ZKSCAN7: variants seen among roughly 807,000 people sequenced by gnomAD.
ZKSCAN7 encodes zinc finger protein with KRAB and SCAN domains 7.
ZKSCAN7 carries 38 observed loss-of-function variants against 65.3 expected under a neutral mutation model. The ratio of observed to expected loss-of-function variants is 0.58; its 90% CI spans 0.45 to 0.76. The LOEUF is 0.76. Among genes scored for constraint, ZKSCAN7 ranks in the 30% least tolerant of loss-of-function variants. ZKSCAN7 has a pLI of 0.00. For synonymous variants in ZKSCAN7, 321 were observed against 321.0 expected (o/e 1.00, Z 0.00); for missense variants, 815 against 913.3 (o/e 0.89, Z 1.39).
rs1699314535 is a variant in ZKSCAN7, at chr3:44,557,076, G to A, written c.29G>A (p.Gly10Asp). Residue 10 changes from glycine (G) to aspartate (D), a missense_variant, in exon 2 of 6, where the codon GGC becomes GAC. By Grantham distance (94) the Gly-to-Asp change is moderately conservative. This residue lies in a region of ZKSCAN7 where 227 missense variants were observed against 253.3 expected (regional missense o/e 0.90). Coordinates refer to ENST00000426540, the MANE Select transcript of ZKSCAN7 (RefSeq NM_001288590.2). MTTAGRGNLGLIPRSTAFQK... is the reference protein window; with the variant it reads MTTAGRGNLDLIPRSTAFQK... ...ACCACTGCAGGCAGGGGAAATTTAGGCCTCATCCCCAGGAGCACTGCTTTC... is the reference window on the plus strand; with the variant it reads ...ACCACTGCAGGCAGGGGAAATTTAGACCTCATCCCCAGGAGCACTGCTTTC... 6.2e-7 allele frequency: 1 copy of A among 1,614,198 alleles called. No individual in the cohort carries two copies. The highest frequency in any genetic ancestry group is 8.5e-7 in the Non-Finnish European group (1 of 1,180,042).
At chr3:44,576,704 G>A (rs1699930111), downstream of ZKSCAN7, among the ~76,000 whole-genome samples, 1 of 152,138 alleles carries the variant, frequency 6.6e-6, no homozygotes, top group African/African-American at 2.4e-5. Context: ...TAGATCTGAA[G>A]CTAAAAGGTT....
At chr3:44,579,871 A>G in intron 5 of ZKSCAN7, 1 of 1,609,840 alleles carries the variant, frequency 6.2e-7, no homozygotes, top group African/African-American at 1.3e-5. Flanking sequence ...CTTTCTTGAA[A>G]TTCAGCAGGT....
downstream of ZKSCAN7, among the ~76,000 whole-genome samples, chr3:44,576,762 T>C (rs1439011686): frequency 6.6e-6 from 1 of 152,210 alleles, no homozygotes; most frequent in Non-Finnish European, 1.5e-5. Context: ...AGAAGCAGCT[T>C]CAATTTTGCT....
downstream of ZKSCAN7, among the ~76,000 whole-genome samples, chr3:44,576,096 C>T (rs1324875403): frequency 6.6e-6 from 1 of 152,078 alleles, no homozygotes; most frequent in Non-Finnish European, 1.5e-5. Context: ...AGCATCCTTG[C>T]AGTTTTTTTC....
At chr3:44,565,698 C>G (rs757092834) in intron 3 of ZKSCAN7, 43 bp downstream of exon 3, 2 of 1,519,708 alleles carry the variant, frequency 1.3e-6, no homozygotes, top group South Asian at 2.6e-5. Context: ...TGCCTCCCTT[C>G]TCTCCTCTGG....
At chr3:44,559,551 C>T (rs767422970) in intron 2 of ZKSCAN7, among the ~76,000 whole-genome samples, 1 of 152,126 alleles carries the variant, frequency 6.6e-6, no homozygotes, top group Non-Finnish European at 1.5e-5. Context: ...CTCAGCTTCC[C>T]TAGTAGCTGG....
chr3:44,580,105 C>A (rs1700033440), intron 5 of ZKSCAN7: 1 of 1,608,798 alleles, frequency 6.2e-7, no homozygotes, highest in Non-Finnish European at 8.5e-7. Flanking sequence ...TTCTCAATGT[C>A]CAAGGCCTCA....
chr3:44,556,952 C>G lies in ZKSCAN7; in HGVS notation c.-96C>G, dbSNP rs1346965659. On this transcript the variant is annotated 5_prime_UTR_variant, in exon 2 of 6. Transcript: ENST00000426540. The stretch of plus-strand genomic sequence containing the variant: ...TAGGCCACACTACCATCACCCCTTT[C>G]TCCAACCCTGAAAAACAGTTCCTGA... The G allele has an allele frequency of 1.3e-6, 2 of 1,542,282 alleles. No individual in the cohort carries two copies. The highest frequency in any genetic ancestry group is 2.8e-5 in the African/African-American group (2 of 72,356).
At chr3:44,579,883 G>T in intron 5 of ZKSCAN7, 1 of 1,609,008 alleles carries the variant, frequency 6.2e-7, no homozygotes, top group South Asian at 1.1e-5. Context: ...TCAGCAGGTC[G>T]GGCGTCACGG....
Position 44,570,709 on chromosome 3 carries a change from T to C in ZKSCAN7, c.1599T>C (p.Cys533=). Residue 533 remains cysteine (C), a synonymous_variant, in exon 6 of 6, where the codon TGT becomes TGC. Transcript: ENST00000426540. ...YKCNECGRAF[C]SNRNLIDHQR... is the part of the protein sequence containing the mutation. Reference sequence around the variant, plus strand: ...GCAATGAGTGTGGGAGAGCATTCTGTTCCAATAGAAATCTCATTGACCATC... The same window carrying C: ...GCAATGAGTGTGGGAGAGCATTCTGCTCCAATAGAAATCTCATTGACCATC... 1 of 1,614,100 alleles carries C rather than the reference T, an allele frequency of 6.2e-7. No individual in the cohort carries two copies. Among genetic ancestry groups the C allele is most frequent in the Non-Finnish European group, 8.5e-7 (1 of 1,180,008 alleles).
At position 44,565,602 on chromosome 3, in the gene ZKSCAN7, A is replaced by G; in HGVS notation, c.539A>G (p.His180Arg). 6.2e-7 allele frequency: 1 copy of G among 1,612,404 alleles called. No individual in the cohort carries two copies. Among genetic ancestry groups the G allele is most frequent in the Non-Finnish European group, 8.5e-7 (1 of 1,179,414 alleles). The change falls in exon 3 of 6, where the codon CAC (histidine) becomes CGC (arginine). Residue 180 changes from histidine to arginine, a missense_variant. By Grantham distance (29) the His-to-Arg change is conservative (BLOSUM62 0). This residue lies in a region of ZKSCAN7 where 227 missense variants were observed against 253.3 expected (regional missense o/e 0.90). Transcript: ENST00000426540. ...AGTGGGGGCTCAGCCCCTGGAGCCC[A>G]CCTGGAGCCTCCTTATGACCCAGGG... Reference protein sequence around the residue: ...PLSGGSAPGAHLEPPYDPGTH... With the variant: ...PLSGGSAPGARLEPPYDPGTH...
chr3:44,578,640 T>A (rs1699981168), intron 5 of ZKSCAN7, among the ~76,000 whole-genome samples: 1 of 152,254 alleles, frequency 6.6e-6, no homozygotes, highest in East Asian at 1.9e-4. Flanking sequence ...ACATCCGAGT[T>A]GACGCTGCTG....
intron 5 of ZKSCAN7, among the ~76,000 whole-genome samples, chr3:44,577,863 C>T (rs543968856): frequency 3.9e-4 from 59 of 152,230 alleles, no homozygotes; most frequent in South Asian, 6.2e-4. Flanking sequence ...AAGCAGCGCT[C>T]GGGGTGTGCT....
chr3:44,571,277 G>A lies in ZKSCAN7; in HGVS notation c.2167G>A (p.Glu723Lys), dbSNP rs1699802670. Residue 723 changes from glutamate to lysine, a missense_variant, in exon 6 of 6, where the codon GAA (glutamate) becomes AAA (lysine). Physicochemically the swap from Glu to Lys is moderately conservative, Grantham distance 56 (BLOSUM62 1). This residue lies in a region of ZKSCAN7 where 578 missense variants were observed against 629.5 expected (regional missense o/e 0.92). Coordinates refer to ENST00000426540, the MANE Select transcript of ZKSCAN7 (RefSeq NM_001288590.2). ...HTGEKPYECSECGKAFSQRST... is the reference protein window; with the variant it reads ...HTGEKPYECSKCGKAFSQRST... Reference sequence around the variant, plus strand: ...CGGAGAGAAACCTTATGAATGTAGTGAATGTGGGAAAGCCTTTAGTCAGCG... The same window carrying A: ...CGGAGAGAAACCTTATGAATGTAGTAAATGTGGGAAAGCCTTTAGTCAGCG... 1 of 1,614,242 alleles carries A rather than the reference G, an allele frequency of 6.2e-7. No homozygotes were observed. Among genetic ancestry groups the A allele is most frequent in the Admixed American group, 1.7e-5 (1 of 60,030 alleles).
chr3:44,571,633 C>A lies in ZKSCAN7; in HGVS notation c.*258C>A. 1 of 1,318,436 alleles carries A rather than the reference C, an allele frequency of 7.6e-7. No individual in the cohort carries two copies. Among genetic ancestry groups the A allele is most frequent in the Non-Finnish European group, 9.7e-7 (1 of 1,035,156 alleles). The allele number at this position is 1,318,436 out of a possible 1,614,324, so 81.7% of individuals were successfully genotyped here. A position where few individuals can be genotyped will look rare whatever the true frequency, so the allele number is the denominator to read the frequency against. On this transcript the variant is annotated 3_prime_UTR_variant, in exon 6 of 6. Transcript: ENST00000426540. ...ACTTTTAAATTTTAACTTTTAAAAT[C>A]TATTTCATTTCTTAGTTATGCATCT...
At chr3:44,574,527 C>T (rs1699885607), downstream of ZKSCAN7, among the ~76,000 whole-genome samples, 3 of 152,184 alleles carry the variant, frequency 2.0e-5, no homozygotes, top group African/African-American at 7.2e-5. Context: ...TTTAGTATTT[C>T]ACATTTTCAT....
rs1274048066 is a variant in ZKSCAN7, at chr3:44,567,935, A to G, written c.616A>G (p.Thr206Ala). The G allele has an allele frequency of 8.7e-6, 10 of 1,147,964 alleles. No homozygotes were observed. The South Asian group carries it at 1.4e-4, about 17-fold the overall frequency. 71.1% of individuals were successfully genotyped at this position (1,147,964 alleles called of 1,614,324 possible). Residue 206 changes from threonine to alanine, a missense_variant, in exon 4 of 6, where the codon ACC becomes GCC. Coordinates refer to ENST00000426540, the MANE Select transcript of ZKSCAN7 (RefSeq NM_001288590.2). ...AGCTCAATGTACTTCTCCAGTTCCT[A>G]CCCTTCCTCAAGTGGGGAACTCAGG... ...DFAQCTSPVP[T>A]LPQVGNSGDQ...
At chr3:44,583,279 AG>A (rs1700133728) in exon 6 of ZKSCAN7, 1 of 175,202 alleles carries the variant, frequency 5.7e-6, no homozygotes. Flanking sequence ...GCTCTTCAGG[AG>A]AGTGTCCCGA....
chr3:44,582,932 G>GTGTA, intron 5 of ZKSCAN7: 1 of 429,424 alleles, frequency 2.3e-6, no homozygotes, highest in South Asian at 1.7e-5. Context: ...GTGTGTGTGT[G>GTGTA]TGTGTGTGTG....
Sources: gnomAD v4.1 joint callset for allele counts (sites outside exome capture counted in the v4.1 genomes callset) on GRCh38, gnomAD v4.1.1 for gene constraint, gnomAD v4.1.1 regional missense constraint, MANE v1.5 for transcripts, NCBI Gene and HGNC (gene_info 2026-07-23, HGNC 2026-07-21) for gene names.